Variants in SLC2A9 observed in about 807,000 individuals in gnomAD.
The protein encoded by SLC2A9 is solute carrier family 2, facilitated glucose transporter member 9.
SLC2A9 carries 39 observed loss-of-function variants against 50.6 expected under a neutral mutation model. That is an observed-to-expected ratio of 0.77 (90% confidence interval 0.60 to 1.01). SLC2A9 has a LOEUF of 1.01. Among genes scored for constraint, SLC2A9 ranks in the 50% least tolerant of loss-of-function variants. SLC2A9 has a pLI of 0.00. For synonymous variants in SLC2A9, 324 were observed against 276.9 expected (o/e 1.17, Z -1.69); for missense variants, 686 against 677.6 (o/e 1.01, Z -0.14).
At chr4:9,976,232 G>C (rs947490477) in intron 5 of SLC2A9, among the ~76,000 whole-genome samples, 3 of 152,124 alleles carry the variant, frequency 2.0e-5, no homozygotes, top group African/African-American at 7.2e-5. Context: ...GTACGCACAC[G>C]TACCCTCTTA....
At chr4:9,829,931 C>T (rs1410367620) in intron 11 of SLC2A9, among the ~76,000 whole-genome samples, 3 of 152,148 alleles carry the variant, frequency 2.0e-5, no homozygotes, top group African/African-American at 7.2e-5. Context: ...TAAATTAGTT[C>T]AATCATTGTG....
intron 10 of SLC2A9, among the ~76,000 whole-genome samples, chr4:9,870,994 G>A (rs1733342295): frequency 6.6e-6 from 1 of 152,168 alleles, no homozygotes; most frequent in African/African-American, 2.4e-5. Context: ...TTAGCTCATT[G>A]CAACCTTCAA....
intron 7 of SLC2A9, among the ~76,000 whole-genome samples, chr4:9,918,955 G>A (rs527852023): frequency 3.9e-5 from 6 of 152,276 alleles, no homozygotes; most frequent in African/African-American, 9.6e-5. Context: ...TAGTCAGTGC[G>A]GCTTGCAGGT....
chr4:9,905,269 ACAT>A (rs1408430290), intron 8 of SLC2A9, among the ~76,000 whole-genome samples: 3 of 152,218 alleles, frequency 2.0e-5, no homozygotes, highest in African/African-American at 4.8e-5. Flanking sequence ...GAACAGCAAA[ACAT>A]CATTTATCCT....
chr4:9,835,237 T>A lies in SLC2A9; in HGVS notation c.1292-229A>T, dbSNP rs7665666. Among the ~76,000 whole-genome samples, 22,008 of 152,132 alleles carry A rather than the reference T, an allele frequency of 0.14. 1,998 individuals are homozygous for A. Among genetic ancestry groups the A allele is most frequent in the African/African-American group, 0.26 (10,613 of 41,476 alleles). ...GCATTTATTACCCTTTACTTTCTGA[T>A]GCCAGGAGAGCCTCCAGTCACCACC... On this transcript the variant is annotated intron_variant, in intron 10 of 11. Transcript: ENST00000264784.
Position 9,908,339 on chromosome 4 carries a change from A to G in SLC2A9, c.1009T>C (p.Phe337Leu). The G allele has an allele frequency of 1.2e-6, 2 of 1,600,494 alleles. No homozygotes were observed. The highest frequency in any genetic ancestry group is 2.2e-5 in the South Asian group (2 of 90,838). Residue 337 changes from phenylalanine (F) to leucine (L), a missense_variant, in exon 8 of 12, where the codon TTC becomes CTC. Physicochemically the swap from Phe to Leu is conservative, Grantham distance 22. Transcript: ENST00000264784. Reference sequence around the variant, plus strand: ...TTTCCAAAGATGCTGTTGGTATAGAACCAAATCTGTAATTCAGGAAAGAAT... The same window carrying G: ...TTTCCAAAGATGCTGTTGGTATAGAGCCAAATCTGTAATTCAGGAAAGAAT... The part of the protein sequence containing the change: ...YQLCGLNAIW[F>L]YTNSIFGKAG...
At chr4:9,818,359 G>A (rs139878084) in intron 3 of SLC2A9, among the ~76,000 whole-genome samples, 8 of 152,272 alleles carry the variant, frequency 5.3e-5, no homozygotes, top group East Asian at 3.9e-4. Flanking sequence ...GAGTATTGTC[G>A]AAGAAAAATT....
At chr4:9,943,435 G>C (rs1308039018) in intron 5 of SLC2A9, among the ~76,000 whole-genome samples, 1 of 152,212 alleles carries the variant, frequency 6.6e-6, no homozygotes, top group Non-Finnish European at 1.5e-5. Flanking sequence ...CCAGTTTCAG[G>C]AGGAGCTCTC....
At chr4:9,957,977 A>C (rs1268123671) in intron 5 of SLC2A9, among the ~76,000 whole-genome samples, 3 of 152,200 alleles carry the variant, frequency 2.0e-5, no homozygotes, top group East Asian at 3.9e-4. Context: ...TATGGAAGTA[A>C]TCATACAATT....
intron 5 of SLC2A9, among the ~76,000 whole-genome samples, chr4:9,954,421 G>C (rs1750843202): frequency 6.6e-6 from 1 of 152,268 alleles, no homozygotes; most frequent in Admixed American, 6.5e-5. Flanking sequence ...GCTACATAAA[G>C]AAGTCTTTGC....
chr4:9,967,923 G>A (rs1753297009), intron 5 of SLC2A9, among the ~76,000 whole-genome samples: 1 of 152,060 alleles, frequency 6.6e-6, no homozygotes, highest in Non-Finnish European at 1.5e-5. Context: ...TTTTGTATGT[G>A]ATCAAGTTGA....
In SLC2A9 at chr4:9,860,591, C is replaced by T. The variant is rs146106432; in HGVS notation, c.1292-25583G>A. Among the ~76,000 whole-genome samples the T allele has an allele frequency of 7.0e-3, 1,061 of 152,348 alleles. 16 individuals carry two copies. Among genetic ancestry groups the T allele is most frequent in the African/African-American group, 0.024 (995 of 41,576 alleles). On this transcript the variant is annotated intron_variant, in intron 10 of 11. Transcript: ENST00000264784. ...ACTTGGCTTCAAGACTCATTCATTTCGTCCCTTTAGGAGTGACGTTGTCCC... is the reference window on the plus strand; with the variant it reads ...ACTTGGCTTCAAGACTCATTCATTTTGTCCCTTTAGGAGTGACGTTGTCCC...
At chr4:9,877,217 A>G (rs550768053) in intron 10 of SLC2A9, among the ~76,000 whole-genome samples, 1 of 152,268 alleles carries the variant, frequency 6.6e-6, no homozygotes, top group South Asian at 2.1e-4. Context: ...TCTTTCATCT[A>G]TTATTTGTTC....
At chr4:9,898,718 GTGTGGAC>G (rs1181438400) in intron 8 of SLC2A9, among the ~76,000 whole-genome samples, 12 of 152,196 alleles carry the variant, frequency 7.9e-5, no homozygotes, top group Admixed American at 5.2e-4. Flanking sequence ...TCTGTGGGCC[GTGTGGAC>G]TGATTGTGCG....
At chr4:9,942,740 G>A (rs932864495) in intron 5 of SLC2A9, among the ~76,000 whole-genome samples, 2 of 152,220 alleles carry the variant, frequency 1.3e-5, no homozygotes, top group South Asian at 2.1e-4. Flanking sequence ...CAGAGCACAC[G>A]TTACGATGCC....
intron 6 of SLC2A9, chr4:9,924,046 G>A (rs1343708351): frequency 6.6e-6 from 1 of 152,136 alleles, no homozygotes; most frequent in African/African-American, 2.4e-5. Context: ...CACAGGGGGT[G>A]GCAAGACCTA....
intron 10 of SLC2A9, among the ~76,000 whole-genome samples, chr4:9,865,405 C>A (rs1560209277): frequency 6.6e-6 from 1 of 152,216 alleles, no homozygotes; most frequent in South Asian, 2.1e-4. Flanking sequence ...ACGTGCTCAT[C>A]CTTTTGGTGG....
intron 9 of SLC2A9, among the ~76,000 whole-genome samples, chr4:9,888,355 C>A (rs1278022766): frequency 6.6e-6 from 1 of 151,622 alleles, no homozygotes; most frequent in Non-Finnish European, 1.5e-5. Context: ...AAGAAGTTAT[C>A]TTAGTTCTGA....
downstream of SLC2A9, among the ~76,000 whole-genome samples, chr4:9,798,096 C>T (rs1349889239): frequency 1.3e-5 from 2 of 152,156 alleles, no homozygotes; most frequent in African/African-American, 4.8e-5. Context: ...CTCTTTGGTC[C>T]TTTGGAGGGA....
Sources: allele counts gnomAD v4.1 joint callset (sites outside exome capture counted in the v4.1 genomes callset), GRCh38; gene constraint gnomAD v4.1.1; transcripts MANE v1.5; gene names NCBI Gene and HGNC (gene_info 2026-07-23, HGNC 2026-07-21).